PPARGC1A: variants seen among roughly 807,000 people sequenced by gnomAD.
The protein encoded by PPARGC1A is PPARG coactivator 1 alpha.
A neutral mutation model predicts 88.7 loss-of-function variants in PPARGC1A; 25 were observed. The ratio of observed to expected loss-of-function variants is 0.28; its 90% CI spans 0.21 to 0.39. PPARGC1A has a LOEUF of 0.39. Ranked by LOEUF, PPARGC1A falls within the 10% of genes least tolerant of loss-of-function variation. The probability of loss-of-function intolerance (pLI) is 1.00; values close to 1 mark genes in which losing one functional copy is unlikely to be tolerated. For missense variants in PPARGC1A, 880 were observed against 968.7 expected, an observed-to-expected ratio of 0.91 and a Z score of 1.22; for synonymous variants, 363 against 355.6, an observed-to-expected ratio of 1.02 and a Z score of -0.24.
the PPARGC1A span, among the ~76,000 whole-genome samples, chr4:24,344,054 G>A: frequency 2.6e-5 from 4 of 151,896 alleles, no homozygotes; most frequent in South Asian, 2.1e-4. Flanking sequence ...CATCCAGGTC[G>A]CTGCAAATGC....
chr4:24,318,161 T>C, the PPARGC1A span, among the ~76,000 whole-genome samples: 2 of 152,084 alleles, frequency 1.3e-5, no homozygotes, highest in Non-Finnish European at 2.9e-5. Flanking sequence ...GTACAGTAAA[T>C]AGAAAAATGC....
chr4:24,135,377 C>G, the PPARGC1A span, among the ~76,000 whole-genome samples: 1 of 152,114 alleles, frequency 6.6e-6, no homozygotes. Context: ...GCTGAGTAAA[C>G]AGTAATCCTT....
At chr4:23,863,807 C>A (rs551632670) in intron 2 of PPARGC1A, among the ~76,000 whole-genome samples, 4 of 152,148 alleles carry the variant, frequency 2.6e-5, no homozygotes, top group Admixed American at 2.0e-4. Context: ...AGTGCAGTGG[C>A]GCAATCTCAG....
At chr4:23,898,143 T>C (rs1383196822) in intron 1 of PPARGC1A, among the ~76,000 whole-genome samples, 1 of 152,188 alleles carries the variant, frequency 6.6e-6, no homozygotes, top group Admixed American at 6.5e-5. Flanking sequence ...TTATATTTGG[T>C]AAAAGACTGT....
chr4:24,217,781 C>A, the PPARGC1A span, among the ~76,000 whole-genome samples: 1 of 151,736 alleles, frequency 6.6e-6, no homozygotes, highest in Admixed American at 6.6e-5. Flanking sequence ...CCAGCCTGGG[C>A]AACAGAGTGA....
At chr4:23,800,325 C>T (rs1446074622) in intron 12 of PPARGC1A, among the ~76,000 whole-genome samples, 4 of 151,928 alleles carry the variant, frequency 2.6e-5, no homozygotes. Flanking sequence ...TAAAGGCTTA[C>T]TATGCACACA....
the PPARGC1A span, among the ~76,000 whole-genome samples, chr4:24,215,880 C>G: frequency 1.3e-5 from 2 of 152,096 alleles, no homozygotes; most frequent in Non-Finnish European, 2.9e-5. Context: ...AGGGCAAACC[C>G]TATTTCTTAT....
chr4:24,301,779 A>T, the PPARGC1A span, among the ~76,000 whole-genome samples: 1 of 152,068 alleles, frequency 6.6e-6, no homozygotes, highest in African/African-American at 2.4e-5. Context: ...TTGTAGGATG[A>T]CCAGTTTCTT....
At chr4:24,135,528 C>T in the PPARGC1A span, among the ~76,000 whole-genome samples, 1 of 152,026 alleles carries the variant, frequency 6.6e-6, no homozygotes, top group Non-Finnish European at 1.5e-5. Context: ...CTCAGTGCTC[C>T]TTGTGATGGA....
chr4:24,316,145 G>GTCTA, the PPARGC1A span, among the ~76,000 whole-genome samples: 1 of 152,264 alleles, frequency 6.6e-6, no homozygotes, highest in Non-Finnish European at 1.5e-5. Flanking sequence ...ATCTATGTTG[G>GTCTA]TCTATCTGAA....
In PPARGC1A at chr4:23,860,254, G is replaced by C. The variant is rs113092091; in HGVS notation, c.234+24498C>G. On this transcript the variant is annotated intron_variant, in intron 2 of 12. Transcript: ENST00000264867. The stretch of plus-strand genomic sequence containing the variant: ...ATCACTGCACCCAGCCCAGGCAACA[G>C]AGCAAGAGACACCCTACCTTAAAAA... Among the ~76,000 whole-genome samples, 5 of 142,726 alleles carry C rather than the reference G, an allele frequency of 3.5e-5. 1 individual carries two copies. Among genetic ancestry groups the C allele is most frequent in the East Asian group, 2.1e-4 (1 of 4,682 alleles). 93.6% of individuals were successfully genotyped at this position (142,726 alleles called of 152,430 possible).
chr4:24,402,152 T>C, the PPARGC1A span, among the ~76,000 whole-genome samples: 1 of 152,184 alleles, frequency 6.6e-6, no homozygotes, highest in Non-Finnish European at 1.5e-5. Context: ...CCTTCTGGCC[T>C]GCTTGACTCC....
the PPARGC1A span, among the ~76,000 whole-genome samples, chr4:24,114,378 G>C: frequency 7.6e-4 from 115 of 152,182 alleles, no homozygotes; most frequent in African/African-American, 2.7e-3. Context: ...AGAAATCAGT[G>C]AGTGGGTCTG....
intron 10 of PPARGC1A, among the ~76,000 whole-genome samples, chr4:23,812,427 T>C (rs1295532864): frequency 2.0e-5 from 3 of 152,042 alleles, no homozygotes; most frequent in South Asian, 2.1e-4. Context: ...GAAAAACTTA[T>C]CCTGTGATCA....
the PPARGC1A span, among the ~76,000 whole-genome samples, chr4:24,133,701 G>A: frequency 6.6e-6 from 1 of 152,118 alleles, no homozygotes; most frequent in Non-Finnish European, 1.5e-5. Context: ...ACTTCTTTCA[G>A]GACCGCTTTT....
the PPARGC1A span, among the ~76,000 whole-genome samples, chr4:24,223,766 G>T: frequency 6.6e-6 from 1 of 152,094 alleles, no homozygotes; most frequent in Admixed American, 6.5e-5. Flanking sequence ...TGAAAATATG[G>T]ATTACAACCA....
At chr4:24,409,657 C>T in the PPARGC1A span, among the ~76,000 whole-genome samples, 2 of 152,278 alleles carry the variant, frequency 1.3e-5, no homozygotes, top group African/African-American at 2.4e-5. Flanking sequence ...AGGAGCTGGA[C>T]AGATGTTTCT....
the PPARGC1A span, among the ~76,000 whole-genome samples, chr4:24,078,821 C>G: frequency 6.6e-6 from 1 of 152,086 alleles, no homozygotes; most frequent in East Asian, 1.9e-4. Context: ...CTTTCATTCT[C>G]TTTGTCCTTT....
At chr4:24,014,950 C>G in the PPARGC1A span, among the ~76,000 whole-genome samples, 4 of 152,158 alleles carry the variant, frequency 2.6e-5, no homozygotes, top group South Asian at 6.2e-4. Context: ...GGGGACTAGA[C>G]AGGTGGGAAT....
Sources: gnomAD v4.1 joint callset for allele counts (sites outside exome capture counted in the v4.1 genomes callset) on GRCh38, gnomAD v4.1.1 for gene constraint, MANE v1.5 for transcripts, NCBI Gene and HGNC (gene_info 2026-07-23, HGNC 2026-07-21) for gene names.